Variants in MYH16 observed in about 807,000 individuals in gnomAD.
MYH16 encodes the protein myosin heavy chain 16.
chr7:99,299,327 C>T (rs1306951617), intron 36 of MYH16, 139 bp from the exon 18 acceptor site: 5 of 152,122 alleles, frequency 3.3e-5, no homozygotes, highest in African/African-American at 1.2e-4. Context: ...CCCTGTCTTG[C>T]ACCTTTTTAA....
At chr7:99,294,432 C>CAAGGCAGGA (rs1211338490) in intron 33 of MYH16, among the ~76,000 whole-genome samples, 1 of 129,250 alleles carries the variant, frequency 7.7e-6, no homozygotes, top group Non-Finnish European at 1.5e-5. Context: ...ACTGGGTGGC[C>CAAGGCAGGA]AAGGCAGGAG....
At chr7:99,298,758 G>A (rs190979049) in intron 36 of MYH16, among the ~76,000 whole-genome samples, 1 of 139,178 alleles carries the variant, frequency 7.2e-6, no homozygotes, top group East Asian at 2.0e-4. Flanking sequence ...TTCTATGGTT[G>A]TCTTGTCGCT....
chr7:99,256,371 A>C (rs541763983), intron 9 of MYH16, among the ~76,000 whole-genome samples: 1 of 152,206 alleles, frequency 6.6e-6, no homozygotes, highest in South Asian at 2.1e-4. Flanking sequence ...CAGAAGGCTA[A>C]AGTGGGAGGA....
chr7:99,296,825 T>C (rs1291117736), exon 34 of MYH16: 2 of 456,950 alleles, frequency 4.4e-6, no homozygotes, highest in Non-Finnish European at 8.8e-6. Flanking sequence ...GAGTGCCGCA[T>C]GTACATGACA....
chr7:99,292,547 G>A (rs1419029640), intron 32 of MYH16, 39 bp downstream of exon 13: 1 of 451,000 alleles, frequency 2.2e-6, no homozygotes, highest in African/African-American at 2.0e-5. Flanking sequence ...CAGGTGGGCT[G>A]GGCAGGTGGT....
At chr7:99,298,938 T>G (rs1584359543) in intron 36 of MYH16, among the ~76,000 whole-genome samples, 1 of 152,034 alleles carries the variant, frequency 6.6e-6, no homozygotes, top group African/African-American at 2.4e-5. Flanking sequence ...AAAGGTTATT[T>G]AATTTTGGCT....
At chr7:99,279,358 CAAAAAAAAAAAA>C (rs35683727) in intron 21 of MYH16, among the ~76,000 whole-genome samples, 140 bp from the exon 4 acceptor site, 2 of 45,876 alleles carry the variant, frequency 4.4e-5, no homozygotes, top group African/African-American at 7.9e-5. Flanking sequence ...AACCCTGACT[CAAAAAAAAAAAA>C]AAAAAAAAAA....
At chr7:99,275,972 C>A (rs1438020988) in intron 20 of MYH16, among the ~76,000 whole-genome samples, 1 of 152,146 alleles carries the variant, frequency 6.6e-6, no homozygotes, top group East Asian at 1.9e-4. Context: ...AGGTGATCTG[C>A]CCGCCTTGGC....
intron 17 of MYH16, among the ~76,000 whole-genome samples, chr7:99,266,365 C>G (rs1791987013): frequency 6.6e-6 from 1 of 152,106 alleles, no homozygotes; most frequent in Admixed American, 6.6e-5. Flanking sequence ...AACTAATACC[C>G]CCACCTTAGA....
chr7:99,298,072 A>G, intron 36 of MYH16, 77 bp downstream of exon 17: 2 of 439,404 alleles, frequency 4.6e-6, no homozygotes, highest in East Asian at 1.4e-4. Flanking sequence ...AGTCTCTTCC[A>G]CCTACTAGTC....
At chr7:99,282,189 AT>A (rs35197834) in intron 23 of MYH16, among the ~76,000 whole-genome samples, 39,339 of 151,516 alleles carry the variant, frequency 0.26, 11,319 homozygotes, top group African/African-American at 0.72. Flanking sequence ...CACCCAGCTA[AT>A]TTTTTTTGTA....
chr7:99,302,106 C>T (rs1256137380), intron 38 of MYH16, among the ~76,000 whole-genome samples: 1 of 151,920 alleles, frequency 6.6e-6, no homozygotes, highest in Non-Finnish European at 1.5e-5. Context: ...CAGTTCGAGA[C>T]CAGCTTGGCC....
chr7:99,272,210 T>C (rs1351677575), intron 19 of MYH16, among the ~76,000 whole-genome samples: 1 of 152,192 alleles, frequency 6.6e-6, no homozygotes, highest in East Asian at 1.9e-4. Context: ...CCTCTCTTTA[T>C]AGTTTCAAGT....
rs182297107 is a variant in MYH16 at position 99,244,907 on chromosome 7, G to A, written n.354+1486G>A. On this transcript the variant is annotated intron_variant and non_coding_transcript_variant, in intron 2 of 41. Transcript: ENST00000439784. Reference sequence around the variant, plus strand: ...TGACCACATCATGACTTTGGGCCAAGGGACTGCAGGCTTTGTGGAGTATAG... The same window carrying A: ...TGACCACATCATGACTTTGGGCCAAAGGACTGCAGGCTTTGTGGAGTATAG... Among the ~76,000 whole-genome samples, 425 of 152,346 alleles carry A rather than the reference G, an allele frequency of 2.8e-3. 2 individuals are homozygous for A. Among genetic ancestry groups the A allele is most frequent in the African/African-American group, 9.8e-3 (406 of 41,570 alleles).
At chr7:99,276,739 G>A (rs944575931) in intron 20 of MYH16, among the ~76,000 whole-genome samples, 3 of 152,246 alleles carry the variant, frequency 2.0e-5, no homozygotes, top group African/African-American at 7.2e-5. Flanking sequence ...GCCAAGTCGA[G>A]AGGTGTGACT....
intron 34 of MYH16, among the ~76,000 whole-genome samples, chr7:99,297,352 G>A (rs1295959282): frequency 6.6e-6 from 1 of 152,118 alleles, no homozygotes; most frequent in African/African-American, 2.4e-5. Context: ...AGAATCGCTT[G>A]AACCTGGGAG....
intron 14 of MYH16, among the ~76,000 whole-genome samples, chr7:99,263,939 C>T (rs1791963830): frequency 6.6e-6 from 1 of 152,206 alleles, no homozygotes; most frequent in East Asian, 1.9e-4. Context: ...CAAAGTGCAC[C>T]TTCTCCCATG....
In MYH16 at chr7:99,290,062, TA is replaced by T. The variant is rs1792345665; in HGVS notation, n.3824+660del. On this transcript the variant is annotated intron_variant and non_coding_transcript_variant, in intron 30 of 41. Coordinates refer to ENST00000439784, the Ensembl canonical transcript of MYH16. Reference sequence around the variant, plus strand: ...GCTCTAATCACACAGGGGTAAACAGTAAGTCAAACAAAGGTACATTTCCTTA... The same window carrying T: ...GCTCTAATCACACAGGGGTAAACAGTAGTCAAACAAAGGTACATTTCCTTA... Among the ~76,000 whole-genome samples, 3 of 152,204 alleles carry T rather than the reference TA, an allele frequency of 2.0e-5. No individual in the cohort carries two copies. In the South Asian group the frequency reaches 6.2e-4, roughly 32 times the overall value.
chr7:99,279,678 C>G (rs1191943911), exon 22 of MYH16: 1 of 456,494 alleles, frequency 2.2e-6, no homozygotes, highest in Admixed American at 2.4e-5. Flanking sequence ...GCTGAGCGAC[C>G]TGAAGCGGGA....
Sources: gnomAD v4.1 joint callset for allele counts (sites outside exome capture counted in the v4.1 genomes callset) on GRCh38, gnomAD v4.1.1 for gene constraint, MANE v1.5 for transcripts, NCBI Gene and HGNC (gene_info 2026-07-23, HGNC 2026-07-21) for gene names.